Variants in SLC30A7 observed in about 807,000 individuals in gnomAD.
The protein encoded by SLC30A7 is zinc transporter 7.
SLC30A7 carries 35 observed loss-of-function variants against 46.0 expected under a neutral mutation model. The observed-to-expected ratio is 0.76, with a 90% confidence interval of 0.58 to 1.01. The LOEUF is 1.01. Ranked by LOEUF, SLC30A7 falls within the 50% of genes least tolerant of loss-of-function variation. The probability of loss-of-function intolerance (pLI) is 0.00; values close to 1 mark genes in which losing one functional copy is unlikely to be tolerated. For synonymous variants in SLC30A7, 147 were observed against 157.8 expected (o/e 0.93, Z 0.51); for missense variants, 464 against 451.1 (o/e 1.03, Z -0.26).
At chr1:100,957,589 T>C (rs887943262) in intron 8 of SLC30A7, among the ~76,000 whole-genome samples, 2 of 149,222 alleles carry the variant, frequency 1.3e-5, no homozygotes, top group African/African-American at 4.9e-5. Flanking sequence ...TTAAAGCTAT[T>C]TAATGGCAGA....
chr1:100,896,376 C>G, intron 1 of SLC30A7, 34 bp downstream of exon 1: 2 of 1,610,186 alleles, frequency 1.2e-6, no homozygotes, highest in Non-Finnish European at 1.7e-6. Context: ...GAGGGGGTGT[C>G]CGGCAGAAAG....
intron 6 of SLC30A7, among the ~76,000 whole-genome samples, chr1:100,915,246 TTTC>T (rs1318946921): frequency 4.7e-5 from 7 of 149,828 alleles, no homozygotes; most frequent in African/African-American, 1.7e-4. Flanking sequence ...TCTTTCTTTC[TTTC>T]TTTCTTCCTT....
chr1:100,990,635 T>C, the SLC30A7 span: 3 of 1,607,990 alleles, frequency 1.9e-6, no homozygotes, highest in African/African-American at 1.4e-5. Context: ...GTAACTGCTA[T>C]TAAAAAAAAA....
the SLC30A7 span, chr1:100,990,241 C>T: frequency 1.6e-6 from 1 of 634,326 alleles, no homozygotes; most frequent in Non-Finnish European, 2.7e-6. Flanking sequence ...AGCTCACTAT[C>T]ATGAGAATAG....
intron 2 of SLC30A7, among the ~76,000 whole-genome samples, chr1:100,905,481 T>C (rs1172329362): frequency 2.0e-5 from 3 of 152,120 alleles, no homozygotes; most frequent in Admixed American, 6.5e-5. Context: ...CTTTAAATAC[T>C]TTTCCTATCC....
At chr1:100,918,321 G>A (rs1652724487) in intron 7 of SLC30A7, among the ~76,000 whole-genome samples, 194 bp downstream of exon 7, 1 of 152,116 alleles carries the variant, frequency 6.6e-6, no homozygotes, top group Non-Finnish European at 1.5e-5. Context: ...TCACTTGACT[G>A]TTTTCTCTGA....
chr1:100,896,092 A>C lies in SLC30A7; in HGVS notation c.-171A>C. ...GGACGCGTTGCGCGGCCCGGGCCGG[A>C]AGTAAGCGAATTCCCGGGTGTGTGT... is the stretch of plus-strand genomic sequence containing the variant. On this transcript the variant is annotated 5_prime_UTR_variant, in exon 1 of 11. Coordinates refer to ENST00000357650, the MANE Select transcript of SLC30A7 (RefSeq NM_133496.5). 1 of 638,394 alleles carries C rather than the reference A, an allele frequency of 1.6e-6. No individual in the cohort carries two copies. The highest frequency in any genetic ancestry group is 1.8e-5 in the African/African-American group (1 of 55,406). The allele number at this position is 638,394 out of a possible 1,614,324, so 39.5% of individuals were successfully genotyped here.
chr1:100,954,991 A>G (rs1655152755), intron 8 of SLC30A7, among the ~76,000 whole-genome samples: 1 of 152,052 alleles, frequency 6.6e-6, no homozygotes, highest in African/African-American at 2.4e-5. Flanking sequence ...GAACCCCTAC[A>G]ATATATAGGA....
intron 8 of SLC30A7, among the ~76,000 whole-genome samples, chr1:100,929,641 A>G (rs1181403231): frequency 6.6e-6 from 1 of 152,026 alleles, no homozygotes; most frequent in Non-Finnish European, 1.5e-5. Flanking sequence ...ATGGAAATAT[A>G]TGTCTATCCC....
intron 2 of SLC30A7, among the ~76,000 whole-genome samples, chr1:100,900,829 A>G (rs940751469): frequency 6.6e-6 from 1 of 152,188 alleles, no homozygotes; most frequent in African/African-American, 2.4e-5. Flanking sequence ...CTTATTTTCA[A>G]TTTTGAACAC....
chr1:100,914,604 A>G (rs979085479), intron 6 of SLC30A7, among the ~76,000 whole-genome samples: 2 of 152,196 alleles, frequency 1.3e-5, no homozygotes, highest in Non-Finnish European at 1.5e-5. Flanking sequence ...GTGTTTATCA[A>G]CTTAATATTT....
intron 3 of SLC30A7, among the ~76,000 whole-genome samples, chr1:100,907,658 T>C (rs1225940449): frequency 6.6e-6 from 1 of 152,006 alleles, no homozygotes; most frequent in Non-Finnish European, 1.5e-5. Flanking sequence ...TCTTTCCTAT[T>C]CCCTCTCTCT....
chr1:100,911,004 A>G (rs1652052704), intron 3 of SLC30A7, 59 bp from the exon 4 acceptor site: 1 of 1,331,324 alleles, frequency 7.5e-7, no homozygotes, highest in Non-Finnish European at 1.1e-6. Context: ...ATGTAATTTT[A>G]CGATTTAATT....
At chr1:100,900,281 A>G (rs562103024) in intron 2 of SLC30A7, among the ~76,000 whole-genome samples, 8 of 152,368 alleles carry the variant, frequency 5.3e-5, no homozygotes, top group African/African-American at 1.9e-4. Flanking sequence ...TTAGACATAG[A>G]AGACACTCAG....
Position 100,978,225 on chromosome 1 carries a change from C to T in SLC30A7, c.*3368C>T, listed in dbSNP as rs1303586855. 6.6e-6 allele frequency: 1 copy of T among 152,150 alleles called. No homozygotes were observed. Among genetic ancestry groups the T allele is most frequent in the Non-Finnish European group, 1.5e-5 (1 of 68,036 alleles). The allele number at this position is 152,150 out of a possible 1,614,324, so 9.4% of individuals were successfully genotyped here. On this transcript the variant is annotated 3_prime_UTR_variant, in exon 11 of 11. Coordinates refer to ENST00000357650, the MANE Select transcript of SLC30A7 (RefSeq NM_133496.5). Reference sequence around the variant, plus strand: ...CATTTCCCTTATATCTGGAATTTGTCAGCATTCCTGAAAACCTACACGTGT... The same window carrying T: ...CATTTCCCTTATATCTGGAATTTGTTAGCATTCCTGAAAACCTACACGTGT...
rs537197366 is a variant in SLC30A7 at position 100,944,779 on chromosome 1, GTC to G, written c.843-17047_843-17046del. ...CCACAATAAACATACGTGTGCATGT[GTC>G]TTTATAGTAGCATGATTTATAATCC... On this transcript the variant is annotated intron_variant, in intron 8 of 10. Coordinates refer to ENST00000357650, the MANE Select transcript of SLC30A7 (RefSeq NM_133496.5). Among the ~76,000 whole-genome samples, 43 of 152,072 alleles carry G rather than the reference GTC, an allele frequency of 2.8e-4. No individual in the cohort carries two copies. The East Asian group carries it at 7.8e-3, about 27-fold the overall frequency.
rs530562218 is a variant in SLC30A7 at position 100,969,076 on chromosome 1, C to A, written c.1083+3158C>A. 4.6e-5 allele frequency among the ~76,000 whole-genome samples: 7 copies of A among 152,274 alleles called. No homozygotes were observed. The East Asian group carries it at 1.2e-3, about 25-fold the overall frequency. ...CGTATAATTAGGATTTACTCCAGTG[C>A]TAATCTTATGTGTAATCAAGACATA... On this transcript the variant is annotated intron_variant, in intron 10 of 10. Transcript: ENST00000357650.
intron 6 of SLC30A7, among the ~76,000 whole-genome samples, 157 bp from the exon 7 acceptor site, chr1:100,917,920 C>T (rs1454131150): frequency 6.6e-6 from 1 of 152,124 alleles, no homozygotes. Flanking sequence ...TACCTCCACT[C>T]AATTATTTTA....
At chr1:100,919,133 C>T (rs1652779808) in intron 7 of SLC30A7, among the ~76,000 whole-genome samples, 1 of 152,062 alleles carries the variant, frequency 6.6e-6, no homozygotes, top group African/African-American at 2.4e-5. Context: ...ATTTGTAGGC[C>T]ATCAATAGCT....
Sources: allele counts gnomAD v4.1 joint callset (sites outside exome capture counted in the v4.1 genomes callset), GRCh38; gene constraint gnomAD v4.1.1; transcripts MANE v1.5; gene names NCBI Gene and HGNC (gene_info 2026-07-23, HGNC 2026-07-21).